Variants in SON observed in about 807,000 individuals in gnomAD.
The protein encoded by SON is SON DNA and RNA binding protein, also known as protein SON.
SON carries 4 observed loss-of-function variants against 173.3 expected under a neutral mutation model. The ratio of observed to expected loss-of-function variants is 0.02; its 90% CI spans 0.01 to 0.05. The LOEUF (loss-of-function observed/expected upper bound fraction) is 0.05. SON is among the 10% of genes least tolerant of loss of function. The pLI is 1.00. For synonymous variants in SON, 1,190 were observed against 1,105.9 expected (o/e 1.08, Z -1.51); for missense variants, 2,626 against 3,055.3 (o/e 0.86, Z 3.31).
At chr21:33,573,543 A>T in intron 9 of SON, 88 bp downstream of exon 9, 2 of 1,190,562 alleles carry the variant, frequency 1.7e-6, no homozygotes, top group South Asian at 3.2e-5. Flanking sequence ...TACTGAACTG[A>T]AGGCACTTCT....
intron 6 of SON, among the ~76,000 whole-genome samples, chr21:33,566,158 A>G (rs1351221461): frequency 6.6e-6 from 1 of 152,180 alleles, no homozygotes. Context: ...TTCTTTGTAT[A>G]TGAAAACAGC....
At position 33,554,062 on chromosome 21, in the gene SON, G is replaced by T. The variant is rs745657477; in HGVS notation, c.4831G>T (p.Gly1611Cys). The T allele has an allele frequency of 6.8e-6, 11 of 1,613,778 alleles. No individual in the cohort carries two copies. The highest frequency in any genetic ancestry group is 1.6e-4 in the Middle Eastern group (1 of 6,062). ...ACCTGATGCAACAGGAACTAGTAAGGGTATTGAATTTACCACAGCATCTAC... is the reference window on the plus strand; with the variant it reads ...ACCTGATGCAACAGGAACTAGTAAGTGTATTGAATTTACCACAGCATCTAC... The part of the protein sequence containing the change: ...LEPDATGTSK[G>C]IEFTTASTLS... The change falls in exon 3 of 12, where the codon GGT becomes TGT. Residue 1611 changes from glycine to cysteine, a missense_variant. Coordinates refer to ENST00000356577, the MANE Select transcript of SON (RefSeq NM_138927.4).
chr21:33,551,595 T>C lies in SON; in HGVS notation c.2364T>C (p.Thr788=), dbSNP rs140574025. ...CCATGGACTCCCAGATGTTAGCAAC[T>C]AGCACTATGGACTCCCAGATGTTAG... is the stretch of plus-strand genomic sequence containing the variant. ...TSSMDSQMLA[T]STMDSQMLAT... The change falls in exon 3 of 12, where the codon ACT becomes ACC. Residue 788 remains threonine, a synonymous_variant. Coordinates refer to ENST00000356577, the MANE Select transcript of SON (RefSeq NM_138927.4). The C allele has an allele frequency of 4.2e-4, 677 of 1,606,748 alleles. 2 individuals carry two copies. The African/African-American group carries it at 8.5e-3, about 20-fold the overall frequency.
Position 33,577,264 on chromosome 21 carries a change from G to T in SON, c.*840G>T, listed in dbSNP as rs2086422452. The T allele has an allele frequency of 1.3e-5, 2 of 152,504 alleles. No homozygotes were observed. The highest frequency in any genetic ancestry group is 4.8e-5 in the African/African-American group (2 of 41,442). The allele number at this position is 152,504 out of a possible 1,614,324, so 9.4% of individuals were successfully genotyped here. On this transcript the variant is annotated 3_prime_UTR_variant, in exon 12 of 12. Coordinates refer to ENST00000356577, the MANE Select transcript of SON (RefSeq NM_138927.4). ...GCATTTTGAATTTCAGCTACACCTA[G>T]ATAGACGTAAAATGATAATTAAAAT...
chr21:33,550,055 T>C lies in SON; in HGVS notation c.824T>C (p.Val275Ala), dbSNP rs2085724546. ...TMSVEYQMKS[V>A]LKSVESTSPE... The stretch of plus-strand genomic sequence containing the variant: ...TCAGTGGAGTATCAGATGAAGTCTG[T>C]GCTGAAATCTGTGGAGAGCACATCT... Residue 275 changes from valine to alanine, a missense_variant, in exon 3 of 12, where the codon GTG (valine) becomes GCG (alanine). Val to Ala is a moderately conservative substitution (Grantham distance 64). Transcript: ENST00000356577. The C allele has an allele frequency of 1.9e-6, 3 of 1,614,044 alleles. No individual in the cohort carries two copies. Among genetic ancestry groups the C allele is most frequent in the Non-Finnish European group, 2.5e-6 (3 of 1,180,050 alleles).
rs925138731 is a variant in SON at position 33,553,320 on chromosome 21, G to A, written c.4089G>A (p.Ser1363=). 5.1e-6 allele frequency: 8 copies of A among 1,583,086 alleles called. No individual in the cohort carries two copies. The highest frequency in any genetic ancestry group is 1.7e-5 in the Admixed American group (1 of 59,034). The part of the protein sequence containing the change: ...ESSAMAVLES[S]AVTVLESSTV... ...CAGCTATGGCTGTCCTGGAGTCTTC[G>A]GCTGTGACCGTCCTGGAGTCTTCGA... is the stretch of plus-strand genomic sequence containing the variant. The change falls in exon 3 of 12, where the codon TCG becomes TCA. Residue 1363 remains serine, a synonymous_variant. Coordinates refer to ENST00000356577, the MANE Select transcript of SON (RefSeq NM_138927.4).
intron 2 of SON, among the ~76,000 whole-genome samples, chr21:33,548,998 A>T (rs2085688532): frequency 1.3e-5 from 2 of 152,160 alleles, no homozygotes; most frequent in African/African-American, 4.8e-5. Context: ...TTATCAGAAA[A>T]GTAGTAGTCT....
rs971822021 is a variant in SON, at chr21:33,552,651, T to C, written c.3420T>C (p.Tyr1140=). 2.0e-5 allele frequency: 32 copies of C among 1,614,102 alleles called. No homozygotes were observed. Among genetic ancestry groups the C allele is most frequent in the Middle Eastern group, 1.7e-4 (1 of 6,060 alleles). The part of the protein sequence containing the change: ...DSYTDSYTDT[Y]TEAYMVPPLP... ...ACACCGATTCTTACACTGACACATA[T>C]ACAGAGGCATATATGGTGCCACCTT... The change falls in exon 3 of 12, where the codon TAT becomes TAC. Residue 1140 remains tyrosine (Y), a synonymous_variant. Transcript: ENST00000356577. The surrounding 1 kb of genome is among the most constrained non-coding windows in gnomAD (Gnocchi z 5.6).
Position 33,549,597 on chromosome 21 carries a change from G to A in SON, c.366G>A (p.Lys122=). The A allele has an allele frequency of 1.9e-6, 3 of 1,590,178 alleles. No individual in the cohort carries two copies. Among genetic ancestry groups the A allele is most frequent in the Non-Finnish European group, 1.7e-6 (2 of 1,173,360 alleles). ...ACAAAAACAAAAAGAAGAAAAAGAAGAAAGAAAAGGAAAAAAAATATAAAA... is the reference window on the plus strand; with the variant it reads ...ACAAAAACAAAAAGAAGAAAAAGAAAAAAGAAAAGGAAAAAAAATATAAAA... The part of the protein sequence containing the change: ...KKHKNKKKKK[K]KEKEKKYKRQ... The change falls in exon 3 of 12, where the codon AAG becomes AAA. Residue 122 remains lysine (K), a synonymous_variant. Coordinates refer to ENST00000356577, the MANE Select transcript of SON (RefSeq NM_138927.4).
chr21:33,547,529 C>T (rs558487204), intron 2 of SON, among the ~76,000 whole-genome samples: 2 of 152,144 alleles, frequency 1.3e-5, no homozygotes, highest in Non-Finnish European at 2.9e-5. Context: ...TTGGGGGGAA[C>T]TTTAGCTGTG....
At chr21:33,574,395 T>G (rs944404953) in intron 9 of SON, among the ~76,000 whole-genome samples, 1 of 152,202 alleles carries the variant, frequency 6.6e-6, no homozygotes, top group African/African-American at 2.4e-5. Flanking sequence ...TCAGGAAGCA[T>G]TGTCCTTGGA....
intron 9 of SON, among the ~76,000 whole-genome samples, chr21:33,574,676 C>T (rs1300526016): frequency 6.6e-6 from 1 of 152,186 alleles, no homozygotes; most frequent in Non-Finnish European, 1.5e-5. Context: ...AAATACAATG[C>T]AAATATTTGA....
intron 8 of SON, chr21:33,572,147 TTGA>T (rs1393530256): frequency 2.0e-5 from 3 of 149,570 alleles, no homozygotes. Flanking sequence ...ACTCTCTCTG[TTGA>T]TAAGTTAATG....
In SON at chr21:33,543,209, T is replaced by TA. The variant is rs572248367; in HGVS notation, c.77+41dup. The TA allele has an allele frequency of 4.9e-5, 76 of 1,543,834 alleles. No individual in the cohort carries two copies. The East Asian group carries it at 1.7e-3, about 34-fold the overall frequency. On this transcript the variant is annotated intron_variant, in intron 1 of 11. Transcript: ENST00000356577. ...GATTCTTCTGCTCCCAACGGACCGT[T>TA]AGGCCCTCACCTAGCCTTCTTTGGC...
intron 8 of SON, chr21:33,572,294 C>A: frequency 6.5e-6 from 1 of 153,290 alleles, no homozygotes; most frequent in East Asian, 1.9e-4. Context: ...TAAAAAATGA[C>A]CATAAAGATC....
At position 33,554,529 on chromosome 21, in the gene SON, T is replaced by A. The variant is rs778031611; in HGVS notation, c.5298T>A (p.Ser1766=). 2.5e-6 allele frequency: 4 copies of A among 1,614,024 alleles called. No homozygotes were observed. Among genetic ancestry groups the A allele is most frequent in the Non-Finnish European group, 3.4e-6 (4 of 1,180,062 alleles). The part of the protein sequence containing the change: ...LLASDVGRDR[S]AASPVVSSMP... ...CAAGTGATGTTGGACGTGACAGATC[T>A]GCTGCCAGCCCGGTTGTAAGTAGTA... Residue 1766 remains serine (S), a synonymous_variant, in exon 3 of 12, where the codon TCT becomes TCA. Transcript: ENST00000356577.
At chr21:33,556,652 T>C (rs1415919874) in intron 3 of SON, among the ~76,000 whole-genome samples, 1 of 149,354 alleles carries the variant, frequency 6.7e-6, no homozygotes, top group Non-Finnish European at 1.5e-5. Flanking sequence ...AGGTGGAAGT[T>C]GCAGTGAGCC....
chr21:33,561,152 A>G (rs2086063704), intron 6 of SON, among the ~76,000 whole-genome samples: 1 of 152,182 alleles, frequency 6.6e-6, no homozygotes, highest in African/African-American at 2.4e-5. Flanking sequence ...TACTGGTGAT[A>G]ATCTGTATTC....
At chr21:33,569,402 C>G (rs1052621931) in intron 8 of SON, 1 of 345,852 alleles carries the variant, frequency 2.9e-6, no homozygotes, top group Non-Finnish European at 5.8e-6. Context: ...TTCCACAGTT[C>G]CTGCTGGACT....
Sources: gnomAD v4.1 joint callset for allele counts (sites outside exome capture counted in the v4.1 genomes callset) on GRCh38, gnomAD v4.1.1 for gene constraint, Gnocchi (gnomAD v3.1) non-coding constraint, MANE v1.5 for transcripts, NCBI Gene and HGNC (gene_info 2026-07-23, HGNC 2026-07-21) for gene names.